The following DMD variants were observed in gnomAD, a reference collection of about 807,000 sequenced individuals.
DMD encodes the protein mutant dystrophin.
DMD carries 63 observed loss-of-function variants against 330.1 expected under a neutral mutation model. The ratio of observed to expected loss-of-function variants is 0.19; its 90% confidence interval spans 0.16 to 0.24. DMD has a LOEUF of 0.24. DMD is among the 10% of genes least tolerant of loss of function. The pLI is 1.00. For synonymous variants in DMD, 1,223 were observed against 959.8 expected, an observed-to-expected ratio of 1.27 and a Z score of -5.07; for missense variants, 3,344 against 2,684.1, an observed-to-expected ratio of 1.25 and a Z score of -5.43.
chrX:32,654,215 C>T (rs1000765507), intron 9 of DMD, among the ~76,000 whole-genome samples: 1 of 111,531 alleles, frequency 9.0e-6, no homozygotes, highest in Non-Finnish European at 1.9e-5. Flanking sequence ...GAGAGGGCAT[C>T]CCTGTCTTGT....
chrX:33,011,369 A>G (rs1003519143), intron 2 of DMD, among the ~76,000 whole-genome samples: 3 of 111,593 alleles, frequency 2.7e-5, no homozygotes, highest in African/African-American at 9.8e-5. Flanking sequence ...CTGACAAGTC[A>G]TACTTCTTTG....
chrX:31,706,454 C>T (rs2084200007), intron 52 of DMD, among the ~76,000 whole-genome samples: 1 of 111,497 alleles, frequency 9.0e-6, no homozygotes, highest in Non-Finnish European at 1.9e-5. Context: ...AATCTCTAAC[C>T]TGATTTTCTT....
intron 1 of DMD, among the ~76,000 whole-genome samples, chrX:33,035,112 T>C (rs2094183045): frequency 8.9e-6 from 1 of 112,299 alleles, no homozygotes; most frequent in African/African-American, 3.2e-5. Context: ...GACATTATTC[T>C]GGCTCTTATG....
intron 59 of DMD, among the ~76,000 whole-genome samples, chrX:31,453,470 C>T (rs779204513): frequency 2.8e-4 from 31 of 109,975 alleles, no homozygotes; most frequent in Middle Eastern, 4.6e-3. Flanking sequence ...TGGGGATTAT[C>T]GTTGAATAGA....
chrX:32,902,148 CACACACACAA>C (rs758100128), intron 2 of DMD, among the ~76,000 whole-genome samples: 1,684 of 85,858 alleles, frequency 0.02, 68 homozygotes, highest in African/African-American at 0.058. Context: ...GCAAGCATCA[CACACACACAA>C]ACACACACAC....
At chrX:32,851,621 T>C (rs1413136908) in intron 2 of DMD, among the ~76,000 whole-genome samples, 1 of 112,143 alleles carries the variant, frequency 8.9e-6, no homozygotes, top group East Asian at 2.8e-4. Flanking sequence ...GTACTTGATT[T>C]TAATATCATA....
intron 9 of DMD, among the ~76,000 whole-genome samples, chrX:32,659,533 TC>T (rs1285719318): frequency 9.0e-6 from 1 of 110,750 alleles, no homozygotes; most frequent in African/African-American, 3.3e-5. Context: ...ATGGGGAAGT[TC>T]TTTTATGAGA....
chrX:32,606,196 C>A (rs1456730380), intron 12 of DMD, among the ~76,000 whole-genome samples: 1 of 110,484 alleles, frequency 9.1e-6, no homozygotes. Context: ...TTCCCAGTCT[C>A]TGATAACCAT....
chrX:32,832,356 AATT>A (rs779758167), intron 4 of DMD, among the ~76,000 whole-genome samples: 2 of 111,779 alleles, frequency 1.8e-5, no homozygotes, highest in South Asian at 3.7e-4. Flanking sequence ...ATGCATTGAA[AATT>A]ATTATGTAAA....
intron 52 of DMD, among the ~76,000 whole-genome samples, chrX:31,705,051 A>G (rs760110854): frequency 2.8e-4 from 32 of 112,288 alleles, no homozygotes; most frequent in Non-Finnish European, 4.9e-4. Context: ...GAGTTATGGT[A>G]AAGATTTTGG....
intron 2 of DMD, among the ~76,000 whole-genome samples, chrX:32,943,711 C>T (rs1423165546): frequency 5.4e-5 from 6 of 111,802 alleles, no homozygotes; most frequent in Admixed American, 9.5e-5. Context: ...AGTGTAAGCA[C>T]GCTTTCTCTT....
intron 7 of DMD, among the ~76,000 whole-genome samples, chrX:32,732,675 A>G (rs925000382): frequency 3.6e-5 from 4 of 111,099 alleles, no homozygotes; most frequent in East Asian, 2.8e-4. Context: ...CTTCATAAGT[A>G]AAGGAGAAAT....
At chrX:32,971,965 C>T (rs750343492) in intron 2 of DMD, among the ~76,000 whole-genome samples, 18 of 110,658 alleles carry the variant, frequency 1.6e-4, no homozygotes, top group Non-Finnish European at 2.8e-4. Flanking sequence ...TAAATATTTG[C>T]GAGTAGATAA....
At chrX:32,156,209 G>A (rs767104737) in intron 44 of DMD, among the ~76,000 whole-genome samples, 2 of 110,972 alleles carry the variant, frequency 1.8e-5, no homozygotes, top group African/African-American at 6.6e-5. Context: ...GTGAAAACCC[G>A]TCTCTACTAA....
intron 31 of DMD, 143 bp downstream of exon 31, chrX:32,389,928 A>G (rs2097989154): frequency 1.8e-6 from 1 of 552,765 alleles, no homozygotes. Context: ...GTAGAGAGCA[A>G]AACACTCATT....
rs796324072 is a variant in DMD, at chrX:31,951,143, G to GTATA, written c.6614+17192_6614+17195dup. Among the ~76,000 whole-genome samples the GTATA allele has an allele frequency of 6.7e-5, 5 of 74,336 alleles. 1 individual carries two copies. The highest frequency in any genetic ancestry group is 1.2e-4 in the Non-Finnish European group (5 of 41,210). 64.6% of individuals were successfully genotyped at this position (74,336 alleles called of 115,157 possible). ...TATACATATATATATATATATATGT[G>GTATA]TATATATATATATATGTATATATAT... On this transcript the variant is annotated intron_variant, in intron 45 of 78. Coordinates refer to ENST00000357033, the MANE Select transcript of DMD (RefSeq NM_004006.3).
At chrX:33,330,268 T>C (rs1452374570) in intron 1 of DMD, among the ~76,000 whole-genome samples, 1 of 111,274 alleles carries the variant, frequency 9.0e-6, no homozygotes, top group Non-Finnish European at 1.9e-5. Context: ...GAGTTGGGTG[T>C]GAGGCTGGAG....
chrX:32,519,730 T>C (rs763284826), intron 17 of DMD, among the ~76,000 whole-genome samples: 1 of 112,081 alleles, frequency 8.9e-6, no homozygotes, highest in East Asian at 2.8e-4. Context: ...ATCACAAACA[T>C]ATGACCTGAT....
chrX:32,432,102 C>A (rs968939152), intron 29 of DMD, among the ~76,000 whole-genome samples: 1 of 111,973 alleles, frequency 8.9e-6, no homozygotes, highest in African/African-American at 3.2e-5. Flanking sequence ...GGCCAACACA[C>A]ATTTTCAGGT....
Sources: allele counts gnomAD v4.1 joint callset (sites outside exome capture counted in the v4.1 genomes callset), GRCh38; gene constraint gnomAD v4.1.1; transcripts MANE v1.5; gene names NCBI Gene and HGNC (gene_info 2026-07-23, HGNC 2026-07-21).